Variants in RSAD2 observed in about 807,000 individuals in gnomAD.
RSAD2 encodes the protein radical S-adenosyl methionine domain containing 2, also known as S-adenosylmethionine-dependent nucleotide dehydratase RSAD2.
In RSAD2, 38 loss-of-function variants were observed where a neutral mutation model predicts 37.7. That is an observed-to-expected ratio of 1.01 (90% CI 0.78 to 1.32). The LOEUF is 1.32. RSAD2 is among the 40% of genes most tolerant of loss of function. RSAD2 has a pLI of 0.00. For synonymous variants in RSAD2, 163 were observed against 157.4 expected (o/e 1.04, Z -0.27); for missense variants, 428 against 437.5 (o/e 0.98, Z 0.19).
In RSAD2 at chr2:6,877,971, T is replaced by G. The variant is rs1663319044; in HGVS notation, c.171T>G (p.Asp57Glu). The change falls in exon 1 of 6, where the codon GAT becomes GAG. Residue 57 changes from aspartate to glutamate, a missense_variant. Physicochemically the swap from Asp to Glu is conservative, Grantham distance 45. Coordinates refer to ENST00000382040, the MANE Select transcript of RSAD2 (RefSeq NM_080657.5). Reference protein sequence around the residue: ...RKQQLVLRGPDETKEEEEDPP... With the variant: ...RKQQLVLRGPEETKEEEEDPP... ...AGCAGCTGGTCCTGAGAGGGCCAGA[T>G]GAGACCAAAGAGGAGGAAGAGGACC... 6.2e-7 allele frequency: 1 copy of G among 1,614,148 alleles called. No individual in the cohort carries two copies. The highest frequency in any genetic ancestry group is 8.5e-7 in the Non-Finnish European group (1 of 1,180,022).
At chr2:6,891,526 G>A (rs899872905) in intron 4 of RSAD2, among the ~76,000 whole-genome samples, 2 of 152,152 alleles carry the variant, frequency 1.3e-5, no homozygotes, top group Admixed American at 6.5e-5. Context: ...CCAGCACTTT[G>A]GGGGGCTGAG....
chr2:6,867,083 C>T (rs1223784406), intron 1 of RSAD2, among the ~76,000 whole-genome samples: 2 of 152,112 alleles, frequency 1.3e-5, no homozygotes, highest in East Asian at 1.9e-4. Flanking sequence ...AAGTAAGAGT[C>T]TTCTAGTTAC....
chr2:6,878,276 A>G (rs992143545), intron 1 of RSAD2, 130 bp downstream of exon 1: 2 of 711,058 alleles, frequency 2.8e-6, no homozygotes, highest in South Asian at 1.9e-5. Context: ...TTACCCTTGC[A>G]TGGTGAGCAT....
At chr2:6,894,319 A>G (rs1042824390) in intron 5 of RSAD2, among the ~76,000 whole-genome samples, 3 of 151,958 alleles carry the variant, frequency 2.0e-5, no homozygotes, top group Non-Finnish European at 4.4e-5. Flanking sequence ...ATCTATAACC[A>G]TTGCCACTCT....
intron 1 of RSAD2, among the ~76,000 whole-genome samples, chr2:6,872,013 C>A (rs1347533156): frequency 2.6e-5 from 4 of 152,112 alleles, no homozygotes; most frequent in African/African-American, 9.7e-5. Context: ...CCTGAAGTAT[C>A]ATGAAATTTT....
Position 6,878,195 on chromosome 2 carries a change from G to A in RSAD2, c.346+49G>A, listed in dbSNP as rs371295899. The A allele has an allele frequency of 2.4e-5, 36 of 1,522,586 alleles. 1 individual carries two copies. In the Admixed American group the frequency reaches 2.8e-4, roughly 12 times the overall value. 94.3% of individuals were successfully genotyped at this position (1,522,586 alleles called of 1,614,324 possible). A position where few individuals can be genotyped will look rare whatever the true frequency, so the allele number is the denominator to read the frequency against. ...AATCAGGATTCTCAACCACTGGGCA[G>A]TGGGGTAAGGCGAGAAGGGGCTGGG... On this transcript the variant is annotated intron_variant, in intron 1 of 5. Coordinates refer to ENST00000382040, the MANE Select transcript of RSAD2 (RefSeq NM_080657.5).
In RSAD2 at chr2:6,895,902, A is replaced by G; in HGVS notation, c.1046A>G (p.Lys349Arg). 1 of 1,614,190 alleles carries G rather than the reference A, an allele frequency of 6.2e-7. No individual in the cohort carries two copies. Among genetic ancestry groups the G allele is most frequent in the Non-Finnish European group, 8.5e-7 (1 of 1,180,002 alleles). Residue 349 changes from lysine to arginine, a missense_variant, in exon 6 of 6, where the codon AAA becomes AGA. Transcript: ENST00000382040. ...AAGATGTTTCTGAAGCGAGGAGGAA[A>G]ATACATATGGAGTAAGGCTGATCTG... ...DEKMFLKRGG[K>R]YIWSKADLKL...
chr2:6,883,176 A>G (rs571741378), intron 1 of RSAD2, among the ~76,000 whole-genome samples, 195 bp from the exon 2 acceptor site: 88 of 152,322 alleles, frequency 5.8e-4, no homozygotes, highest in Non-Finnish European at 9.8e-4. Flanking sequence ...AGTTCCCTGC[A>G]TCCCTGTTTA....
chr2:6,890,406 C>A, intron 4 of RSAD2, 81 bp downstream of exon 4: 1 of 1,450,662 alleles, frequency 6.9e-7, no homozygotes, highest in South Asian at 1.2e-5. Flanking sequence ...AGCCAAGGAC[C>A]CCACACATTG....
intron 2 of RSAD2, among the ~76,000 whole-genome samples, chr2:6,884,783 C>T (rs10194045): frequency 6.6e-6 from 1 of 152,210 alleles, no homozygotes; most frequent in African/African-American, 2.4e-5. Flanking sequence ...ATGAGTGGAG[C>T]GCCAACTAGG....
At chr2:6,867,912 A>G (rs1383773569) in intron 1 of RSAD2, among the ~76,000 whole-genome samples, 3 of 152,352 alleles carry the variant, frequency 2.0e-5, no homozygotes, top group South Asian at 2.1e-4. Context: ...TGTTGAAGAT[A>G]TATCTTCATT....
At position 6,896,765 on chromosome 2, in the gene RSAD2, C is replaced by A. The variant is rs1420020148; in HGVS notation, c.*823C>A. 6.6e-6 allele frequency: 1 copy of A among 152,164 alleles called. No individual in the cohort carries two copies. Among genetic ancestry groups the A allele is most frequent in the Non-Finnish European group, 1.5e-5 (1 of 68,044 alleles). 9.4% of individuals were successfully genotyped at this position (152,164 alleles called of 1,614,324 possible). The stretch of plus-strand genomic sequence containing the variant: ...GGTACCTGTTGTGTCCCTTTCTCTT[C>A]AAAGATCCTGAGCAAAACAAAGATA... On this transcript the variant is annotated 3_prime_UTR_variant, in exon 6 of 6. Coordinates refer to ENST00000382040, the MANE Select transcript of RSAD2 (RefSeq NM_080657.5).
chr2:6,884,471 C>G (rs192712756), intron 2 of RSAD2, among the ~76,000 whole-genome samples: 1 of 152,156 alleles, frequency 6.6e-6, no homozygotes, highest in Non-Finnish European at 1.5e-5. Context: ...GGGAACCATA[C>G]TCAGAGAGAG....
At chr2:6,888,951 A>T (rs116488180) in intron 3 of RSAD2, among the ~76,000 whole-genome samples, 1,756 of 152,302 alleles carry the variant, frequency 0.012, 13 homozygotes, top group Non-Finnish European at 0.018. Flanking sequence ...ACTCACTGGG[A>T]GGCTTTGTTG....
rs756183153 is a variant in RSAD2 at position 6,893,682 on chromosome 2, C to G, written c.900C>G (p.Ser300=). Residue 300 remains serine, a synonymous_variant, in exon 5 of 6, where the codon TCC becomes TCG. Coordinates refer to ENST00000382040, the MANE Select transcript of RSAD2 (RefSeq NM_080657.5). ...VPESNQKMKD[S]YLILDEYMRF... ...CTTCTCCTTTGCAGATGAAAGACTC[C>G]TACCTTATTCTGGATGAATATGTGA... 1.2e-6 allele frequency: 2 copies of G among 1,607,122 alleles called. No individual in the cohort carries two copies. The highest frequency in any genetic ancestry group is 1.7e-6 in the Non-Finnish European group (2 of 1,174,134).
At chr2:6,874,368 A>T (rs1178441061), upstream of RSAD2, among the ~76,000 whole-genome samples, 1 of 152,188 alleles carries the variant, frequency 6.6e-6, no homozygotes, top group African/African-American at 2.4e-5. Context: ...ATATCATAAT[A>T]TGTGTTATCA....
rs1663454063 is a variant in RSAD2, at chr2:6,883,420, G to A, written c.396G>A (p.Arg132=). The change falls in exon 2 of 6, where the codon CGG becomes CGA. Residue 132 remains arginine (R), a synonymous_variant. Transcript: ENST00000382040. ...GTGGAGAGCCATTTCTTCAAGACCG[G>A]GGAGAATACCTGGGCAAGTTGGTGA... ...FSGGEPFLQD[R]GEYLGKLVRF... is the part of the protein sequence containing the mutation. The A allele has an allele frequency of 6.2e-7, 1 of 1,614,040 alleles. No homozygotes were observed. Among genetic ancestry groups the A allele is most frequent in the African/African-American group, 1.3e-5 (1 of 74,892 alleles).
At position 6,896,777 on chromosome 2, in the gene RSAD2, G is replaced by A. The variant is rs1663784516; in HGVS notation, c.*835G>A. 1.3e-5 allele frequency: 2 copies of A among 152,178 alleles called. No homozygotes were observed. Among genetic ancestry groups the A allele is most frequent in the South Asian group, 4.1e-4 (2 of 4,838 alleles). 9.4% of individuals were successfully genotyped at this position (152,178 alleles called of 1,614,324 possible). On this transcript the variant is annotated 3_prime_UTR_variant, in exon 6 of 6. Transcript: ENST00000382040. ...GTCCCTTTCTCTTCAAAGATCCTGA[G>A]CAAAACAAAGATACGCTTTCCATTT...
At chr2:6,888,197 T>C (rs570016703) in intron 3 of RSAD2, among the ~76,000 whole-genome samples, 1 of 152,142 alleles carries the variant, frequency 6.6e-6, no homozygotes, top group Admixed American at 6.5e-5. Context: ...CCAAATAGAG[T>C]TAGGGAAGAG....
Sources: allele counts gnomAD v4.1 joint callset (sites outside exome capture counted in the v4.1 genomes callset), GRCh38; gene constraint gnomAD v4.1.1; transcripts MANE v1.5; gene names NCBI Gene and HGNC (gene_info 2026-07-23, HGNC 2026-07-21).